The following VAMP1 variants were observed in gnomAD, a reference collection of about 807,000 sequenced individuals.
VAMP1 encodes vesicle associated membrane protein 1.
A neutral mutation model predicts 19.1 loss-of-function variants in VAMP1; 16 were observed. That is an observed-to-expected ratio of 0.84 (90% confidence interval 0.57 to 1.27). VAMP1 has a LOEUF of 1.27. Among genes scored for constraint, VAMP1 ranks in the 50% most tolerant of loss-of-function variants. The pLI, the probability that VAMP1 is intolerant of heterozygous loss-of-function variation, is 0.00. For synonymous variants in VAMP1, 37 were observed against 50.2 expected, an observed-to-expected ratio of 0.74 and a Z score of 1.11; for missense variants, 109 against 145.4, an observed-to-expected ratio of 0.75 and a Z score of 1.29.
rs960999548 is a variant in VAMP1, at chr12:6,465,028, C to T, written c.289-87G>A. The stretch of plus-strand genomic sequence containing the variant: ...CTCTAGTGGGAAACAGAATTCCTTC[C>T]ATCCTTGGGACAATGGAAAAAACCA... On this transcript the variant is annotated intron_variant, in intron 3 of 4. Coordinates refer to ENST00000396308, the MANE Select transcript of VAMP1 (RefSeq NM_014231.5). The T allele has an allele frequency of 5.7e-6, 9 of 1,584,556 alleles. No homozygotes were observed. In the African/African-American group the frequency reaches 1.2e-4, roughly 21 times the overall value.
In VAMP1 at chr12:6,463,778, G is replaced by A. The variant is rs1284823380; in HGVS notation, c.*692C>T. On this transcript the variant is annotated 3_prime_UTR_variant, in exon 5 of 5. Coordinates refer to ENST00000396308, the MANE Select transcript of VAMP1 (RefSeq NM_014231.5). The surrounding 1 kb of genome is among the most constrained non-coding windows in gnomAD (Gnocchi z 4.0). ...TAGAAGCACATGGGACTGCTTCTAG[G>A]ATGGAAACAAGTCCTGCTATTTTCA... is the stretch of plus-strand genomic sequence containing the variant. The A allele has an allele frequency of 1.7e-5, 20 of 1,184,372 alleles. No homozygotes were observed. Among genetic ancestry groups the A allele is most frequent in the South Asian group, 3.2e-5 (2 of 62,366 alleles). 73.4% of individuals were successfully genotyped at this position (1,184,372 alleles called of 1,614,324 possible). A position where few individuals can be genotyped will look rare whatever the true frequency, so the allele number is the denominator to read the frequency against.
At chr12:6,465,489 G>A (rs999583131) in intron 3 of VAMP1, among the ~76,000 whole-genome samples, 1 of 140,782 alleles carries the variant, frequency 7.1e-6, no homozygotes. Flanking sequence ...GTGTGTGTGT[G>A]TGTATGTATA....
chr12:6,465,458 G>GTA (rs1285888979), intron 3 of VAMP1: 1 of 101,894 alleles, frequency 9.8e-6, no homozygotes, highest in African/African-American at 5.3e-5. Context: ...ATACATATGT[G>GTA]TATATATAGT....
In VAMP1 at chr12:6,464,948, A is replaced by C. The variant is rs1592146595; in HGVS notation, c.289-7T>G. ...CTCCCAGCATGATCATCATCTGAGG[A>C]AACATGGACAAAAAATGAGCCCTTG... On this transcript the variant is annotated splice_region_variant and splice_polypyrimidine_tract_variant and intron_variant, in intron 3 of 4. Transcript: ENST00000396308. 1.2e-6 allele frequency: 2 copies of C among 1,613,696 alleles called. No individual in the cohort carries two copies. The highest frequency in any genetic ancestry group is 2.2e-5 in the East Asian group (1 of 44,874).
At chr12:6,468,628 C>T (rs933866194) in intron 1 of VAMP1, among the ~76,000 whole-genome samples, 1 of 152,228 alleles carries the variant, frequency 6.6e-6, no homozygotes, top group Non-Finnish European at 1.5e-5. Context: ...TGGTTACTTA[C>T]ATCCCAAAGA....
intron 3 of VAMP1, chr12:6,465,274 T>C (rs939818291): frequency 2.4e-6 from 1 of 417,542 alleles, no homozygotes; most frequent in Non-Finnish European, 4.7e-6. Flanking sequence ...CACTGTGAAG[T>C]GTTCAGCTCA....
Position 6,462,437 on chromosome 12 carries a change from G to C in VAMP1, c.*2033C>G. ...CGTCTCATGGCAAACCGAAGAACGG[G>C]ATGTGGGAAGCTCAGCTTCATTTGA... On this transcript the variant is annotated 3_prime_UTR_variant, in exon 5 of 5. Transcript: ENST00000396308. 4.1e-6 allele frequency: 2 copies of C among 491,216 alleles called. No homozygotes were observed. Among genetic ancestry groups the C allele is most frequent in the East Asian group, 3.3e-5 (1 of 30,624 alleles). 30.4% of individuals were successfully genotyped at this position (491,216 alleles called of 1,614,324 possible).
In VAMP1 at chr12:6,463,962, C is replaced by T; in HGVS notation, c.*508G>A. The T allele has an allele frequency of 7.8e-7, 1 of 1,290,262 alleles. No individual in the cohort carries two copies. The allele number at this position is 1,290,262 out of a possible 1,614,324, so 79.9% of individuals were successfully genotyped here. A position where few individuals can be genotyped will look rare whatever the true frequency, so the allele number is the denominator to read the frequency against. ...CACTGAAACCAAGTTGGACTTTGGT[C>T]CACCCCCAGGACCCTCTTCAGGCCT... is the stretch of plus-strand genomic sequence containing the variant. On this transcript the variant is annotated 3_prime_UTR_variant, in exon 5 of 5. Transcript: ENST00000396308. The surrounding 1 kb of genome is among the most constrained non-coding windows in gnomAD (Gnocchi z 4.0).
chr12:6,469,475 G>A (rs1485386947), intron 1 of VAMP1, among the ~76,000 whole-genome samples: 1 of 152,166 alleles, frequency 6.6e-6, no homozygotes, highest in Non-Finnish European at 1.5e-5. Flanking sequence ...CTCATATCTG[G>A]TTAAAACCAT....
At chr12:6,470,419 C>T (rs2137017028) in intron 1 of VAMP1, 111 bp downstream of exon 1, 3 of 1,531,596 alleles carry the variant, frequency 2.0e-6, no homozygotes, top group Admixed American at 1.8e-5. Flanking sequence ...GGTGGTAGTT[C>T]CCCGCGTTGC....
intron 1 of VAMP1, among the ~76,000 whole-genome samples, chr12:6,469,146 A>C (rs950479585): frequency 2.6e-5 from 4 of 152,208 alleles, no homozygotes; most frequent in Admixed American, 6.5e-5. Flanking sequence ...ATTTCCCTCT[A>C]AGGTGCAAAG....
At chr12:6,465,221 TA>T in intron 3 of VAMP1, 1 of 482,906 alleles carries the variant, frequency 2.1e-6, no homozygotes, top group Admixed American at 2.8e-5. Context: ...GGCATTCCAA[TA>T]GAGATACAGA....
intron 1 of VAMP1, among the ~76,000 whole-genome samples, chr12:6,468,770 A>G (rs59068700): frequency 0.011 from 1,633 of 152,320 alleles, 30 homozygotes; most frequent in African/African-American, 0.036. Flanking sequence ...CACCTCCTAA[A>G]GAATTCCCAG....
In VAMP1 at chr12:6,463,128, C is replaced by A; in HGVS notation, c.*1342G>T. 6.7e-7 allele frequency: 1 copy of A among 1,489,800 alleles called. No individual in the cohort carries two copies. Among genetic ancestry groups the A allele is most frequent in the South Asian group, 1.3e-5 (1 of 76,260 alleles). The allele number at this position is 1,489,800 out of a possible 1,614,324, so 92.3% of individuals were successfully genotyped here. On this transcript the variant is annotated 3_prime_UTR_variant, in exon 5 of 5. Transcript: ENST00000396308. The surrounding 1 kb of genome is among the most constrained non-coding windows in gnomAD (Gnocchi z 4.0). ...GAAGATAGGCTGAGCAGATCCCATC[C>A]TCAGGTTCCACTGTCTATACACACA...
chr12:6,462,951 G>C lies in VAMP1; in HGVS notation c.*1519C>G, dbSNP rs780781733. 1 of 1,554,248 alleles carries C rather than the reference G, an allele frequency of 6.4e-7. No individual in the cohort carries two copies. The highest frequency in any genetic ancestry group is 1.2e-5 in the South Asian group (1 of 84,214). The stretch of plus-strand genomic sequence containing the variant: ...AAAGTGGGCATCCAGACCCTGCCCA[G>C]CATGGCCTCAGCCTCTTCCTGTTCG... On this transcript the variant is annotated 3_prime_UTR_variant, in exon 5 of 5. Transcript: ENST00000396308.
intron 4 of VAMP1, 136 bp from the exon 5 acceptor site, chr12:6,464,622 A>G: frequency 1.4e-6 from 2 of 1,456,340 alleles, no homozygotes; most frequent in South Asian, 1.5e-5. Context: ...TCTCCCTCCA[A>G]CCCAAGCCAG....
intron 1 of VAMP1, 114 bp downstream of exon 1, chr12:6,470,416 G>C (rs1426263188): frequency 2.0e-6 from 3 of 1,503,860 alleles, no homozygotes; most frequent in Non-Finnish European, 2.7e-6. Context: ...CGCGGTGGTA[G>C]TTCCCCGCGT....
rs894154939 is a variant in VAMP1, at chr12:6,470,650, C to T, written c.-119G>A. On this transcript the variant is annotated 5_prime_UTR_variant, in exon 1 of 5. Transcript: ENST00000396308. ...CAAGCTCCGCCTCGCGCCGACTACC[C>T]CGCGGTCTAGCTGCGCTGGAACTTA... The T allele has an allele frequency of 5.9e-6, 8 of 1,355,772 alleles. No homozygotes were observed. Among genetic ancestry groups the T allele is most frequent in the Non-Finnish European group, 7.3e-6 (7 of 964,710 alleles). The allele number at this position is 1,355,772 out of a possible 1,614,324, so 84.0% of individuals were successfully genotyped here.
intron 3 of VAMP1, chr12:6,465,401 A>AATGTACATATATATATAC (rs1949988992): frequency 3.0e-5 from 2 of 67,590 alleles, no homozygotes; most frequent in African/African-American, 9.2e-5. Context: ...TATATATATA[A>AATGTACATATATATATAC]ATGTATATAT....
Sources: gnomAD v4.1 joint callset for allele counts (sites outside exome capture counted in the v4.1 genomes callset) on GRCh38, gnomAD v4.1.1 for gene constraint, Gnocchi (gnomAD v3.1) non-coding constraint, MANE v1.5 for transcripts, NCBI Gene and HGNC (gene_info 2026-07-23, HGNC 2026-07-21) for gene names.